The following ZDHHC13 variants were observed in gnomAD, a reference collection of about 807,000 sequenced individuals.
ZDHHC13 encodes zDHHC palmitoyltransferase 13.
A neutral mutation model predicts 86.0 loss-of-function variants in ZDHHC13; 85 were observed. That is an observed-to-expected ratio of 0.99 (90% CI 0.83 to 1.18). ZDHHC13 has a LOEUF of 1.18. ZDHHC13 is among the 50% of genes most tolerant of loss of function. The pLI, the probability that ZDHHC13 is intolerant of heterozygous loss-of-function variation, is 0.00. For missense variants in ZDHHC13, 711 were observed against 730.2 expected (o/e 0.97, Z 0.30); for synonymous variants, 263 against 246.4 (o/e 1.07, Z -0.63).
intron 1 of ZDHHC13, among the ~76,000 whole-genome samples, chr11:19,124,307 T>C (rs953002742): frequency 3.3e-5 from 5 of 152,112 alleles, no homozygotes; most frequent in African/African-American, 9.7e-5. Context: ...AATGTGGATG[T>C]ATGTATGTAT....
chr11:19,164,944 A>T, intron 12 of ZDHHC13, 108 bp from the exon 13 acceptor site: 1 of 813,146 alleles, frequency 1.2e-6, no homozygotes, highest in Non-Finnish European at 2.0e-6. Context: ...TGGTCTGTTT[A>T]GGATTTGTGC....
Position 19,119,210 on chromosome 11 carries a change from A to G in ZDHHC13, c.27+1934A>G, listed in dbSNP as rs1657234819. Among the ~76,000 whole-genome samples, 3 of 152,002 alleles carry G rather than the reference A, an allele frequency of 2.0e-5. No homozygotes were observed. In the South Asian group the frequency reaches 6.2e-4, roughly 31 times the overall value. ...ACTGCAATCTCCGCCTCCCGGGTTC[A>G]TATGATTCCCCTGCCTCAGCCTGCC... On this transcript the variant is annotated intron_variant, in intron 1 of 16. Coordinates refer to ENST00000446113, the MANE Select transcript of ZDHHC13 (RefSeq NM_019028.3).
Position 19,172,767 on chromosome 11 carries a change from G to A in ZDHHC13, c.1677G>A (p.Gln559=). Residue 559 remains glutamine (Q), a synonymous_variant, in exon 16 of 17, where the codon CAG becomes CAA. Coordinates refer to ENST00000446113, the MANE Select transcript of ZDHHC13 (RefSeq NM_019028.3). ...GLTSHERISL[Q]KQSKHMKQTL... is the part of the protein sequence containing the mutation. ...CCTCCCATGAGAGAATCAGCCTGCA[G>A]AAGCAGAGCAAGCATATGAAACAGA... The A allele has an allele frequency of 6.2e-7, 1 of 1,606,788 alleles. No individual in the cohort carries two copies. Among genetic ancestry groups the A allele is most frequent in the Non-Finnish European group, 8.5e-7 (1 of 1,176,562 alleles).
intron 1 of ZDHHC13, among the ~76,000 whole-genome samples, chr11:19,129,668 A>G (rs1848947126): frequency 6.6e-6 from 1 of 151,964 alleles, no homozygotes; most frequent in South Asian, 2.1e-4. Context: ...TTTTTTATAT[A>G]TTACTGGATT....
Position 19,117,380 on chromosome 11 carries a change from G to A in ZDHHC13, c.27+104G>A. ...GAGGCCGCTCGATGAGGGGGTTTCG[G>A]GAGCGGCGGGGCCTAGGTCTGGGAA... On this transcript the variant is annotated intron_variant, in intron 1 of 16. Coordinates refer to ENST00000446113, the MANE Select transcript of ZDHHC13 (RefSeq NM_019028.3). The surrounding 1 kb of genome is among the most constrained non-coding windows in gnomAD (Gnocchi z 4.2). The A allele has an allele frequency of 1.3e-5, 16 of 1,204,706 alleles. No individual in the cohort carries two copies. The highest frequency in any genetic ancestry group is 1.8e-5 in the Non-Finnish European group (16 of 908,372). The allele number at this position is 1,204,706 out of a possible 1,614,324, so 74.6% of individuals were successfully genotyped here.
intron 1 of ZDHHC13, among the ~76,000 whole-genome samples, chr11:19,128,868 G>T (rs911767489): frequency 6.6e-6 from 1 of 152,106 alleles, no homozygotes; most frequent in Non-Finnish European, 1.5e-5. Context: ...ACAATGTTTC[G>T]ATCAACGCCA....
chr11:19,142,995 T>C lies in ZDHHC13; in HGVS notation c.45T>C (p.His15=). 1.2e-6 allele frequency: 2 copies of C among 1,609,874 alleles called. No individual in the cohort carries two copies. Among genetic ancestry groups the C allele is most frequent in the East Asian group, 2.2e-5 (1 of 44,842 alleles). Residue 15 remains histidine (H), a synonymous_variant, in exon 2 of 17, where the codon CAT becomes CAC. Transcript: ENST00000446113. ...GLGSQCRNHS[H]GPHPPGFGRY... is the part of the protein sequence containing the mutation. ...CTCTTCAGTGCAGGAATCACAGCCA[T>C]GGCCCCCACCCTCCAGGATTTGGTC...
intron 1 of ZDHHC13, among the ~76,000 whole-genome samples, chr11:19,142,566 A>G (rs141545048): frequency 2.0e-5 from 3 of 152,312 alleles, no homozygotes; most frequent in African/African-American, 7.2e-5. Flanking sequence ...CTTCTTACCA[A>G]GTCAGTAGCA....
chr11:19,155,996 G>A lies in ZDHHC13; in HGVS notation c.1007+67G>A, dbSNP rs140784875. On this transcript the variant is annotated intron_variant, in intron 9 of 16. Transcript: ENST00000446113. ...GATTTTATTTCTTATTTCTGTTGTT[G>A]GTTAGCTGGAGTCACAGATTTTTAT... 3.3e-5 allele frequency: 49 copies of A among 1,503,816 alleles called. No homozygotes were observed. In the Middle Eastern group the frequency reaches 1.1e-3, roughly 34 times the overall value. The allele number at this position is 1,503,816 out of a possible 1,614,324, so 93.2% of individuals were successfully genotyped here. A position where few individuals can be genotyped will look rare whatever the true frequency, so the allele number is the denominator to read the frequency against.
intron 8 of ZDHHC13, among the ~76,000 whole-genome samples, chr11:19,154,582 C>G (rs1369208744): frequency 6.6e-6 from 1 of 152,166 alleles, no homozygotes; most frequent in Non-Finnish European, 1.5e-5. Context: ...ACATGGGGCC[C>G]AGCTTCAATT....
chr11:19,140,361 A>G (rs1288929472), intron 1 of ZDHHC13, among the ~76,000 whole-genome samples: 2 of 152,192 alleles, frequency 1.3e-5, no homozygotes, highest in African/African-American at 2.4e-5. Context: ...CAAAACCACA[A>G]TGAGATACCA....
At chr11:19,153,423 T>C (rs1369776040) in intron 8 of ZDHHC13, among the ~76,000 whole-genome samples, 1 of 152,218 alleles carries the variant, frequency 6.6e-6, no homozygotes, top group Non-Finnish European at 1.5e-5. Context: ...TTATTAATAA[T>C]AATTAGTAAT....
chr11:19,162,372 G>A (rs1848871550), intron 10 of ZDHHC13, among the ~76,000 whole-genome samples: 1 of 152,124 alleles, frequency 6.6e-6, no homozygotes, highest in South Asian at 2.1e-4. Context: ...CCACATCTGA[G>A]TGCCTTAGAT....
At chr11:19,157,380 C>T (rs1390904404) in intron 9 of ZDHHC13, among the ~76,000 whole-genome samples, 3 of 152,196 alleles carry the variant, frequency 2.0e-5, no homozygotes, top group Non-Finnish European at 4.4e-5. Flanking sequence ...GTCTTTCTGT[C>T]GCTTGCCAGC....
chr11:19,146,547 TA>T, intron 3 of ZDHHC13, among the ~76,000 whole-genome samples: 1 of 152,286 alleles, frequency 6.6e-6, no homozygotes, highest in African/African-American at 2.4e-5. Context: ...GTTTAGAAAG[TA>T]AAAGTGAACA....
chr11:19,127,823 A>G (rs1173733318), intron 1 of ZDHHC13, among the ~76,000 whole-genome samples: 1 of 152,068 alleles, frequency 6.6e-6, no homozygotes, highest in East Asian at 1.9e-4. Context: ...CTGTTTTTGT[A>G]CTGACATCAT....
At chr11:19,119,408 C>T (rs895018552) in intron 1 of ZDHHC13, among the ~76,000 whole-genome samples, 1 of 152,180 alleles carries the variant, frequency 6.6e-6, no homozygotes, top group Non-Finnish European at 1.5e-5. Flanking sequence ...CCCAGCCTGA[C>T]CTCATCTTTT....
At chr11:19,147,449 A>G in intron 3 of ZDHHC13, 147 bp from the exon 4 acceptor site, 1 of 642,308 alleles carries the variant, frequency 1.6e-6, no homozygotes, top group Non-Finnish European at 2.6e-6. Flanking sequence ...AACCTTTCAT[A>G]TTTCTATAGA....
In ZDHHC13 at chr11:19,165,059, A is replaced by C; in HGVS notation, c.1304A>C (p.Lys435Thr). 6.2e-7 allele frequency: 1 copy of C among 1,612,276 alleles called. No homozygotes were observed. ...TCTTAATTGCCCACTTAGATAAGGA[A>C]GCCATTAAGGTCACTCCACTGCCAT... ...RTFCTSCLIR[K>T]PLRSLHCHVC... Residue 435 changes from lysine to threonine, a missense_variant, in exon 13 of 17, where the codon AAG (lysine) becomes ACG (threonine). By Grantham distance (78) the Lys-to-Thr change is moderately conservative. Transcript: ENST00000446113.
Sources: gnomAD v4.1 joint callset for allele counts (sites outside exome capture counted in the v4.1 genomes callset) on GRCh38, gnomAD v4.1.1 for gene constraint, Gnocchi (gnomAD v3.1) non-coding constraint, MANE v1.5 for transcripts, NCBI Gene and HGNC (gene_info 2026-07-23, HGNC 2026-07-21) for gene names.